The following RAF1 variants were observed in gnomAD, a reference collection of about 807,000 sequenced individuals.
RAF1 encodes Raf-1 proto-oncogene, serine/threonine kinase.
RAF1 carries 27 observed loss-of-function variants against 81.1 expected under a neutral mutation model. The ratio of observed to expected loss-of-function variants is 0.33; its 90% CI spans 0.25 to 0.46. The LOEUF (loss-of-function observed/expected upper bound fraction) is 0.46. Among genes scored for constraint, RAF1 ranks in the 20% least tolerant of loss-of-function variants. The pLI is 1.00. For missense variants in RAF1, 598 were observed against 826.0 expected, an observed-to-expected ratio of 0.72 and a Z score of 3.38; for synonymous variants, 298 against 294.0, an observed-to-expected ratio of 1.01 and a Z score of -0.14.
intron 7 of RAF1, chr3:12,603,599 C>T: frequency 3.0e-6 from 2 of 655,772 alleles, no homozygotes; most frequent in East Asian, 2.7e-5. Context: ...TAAGTGTATT[C>T]AGTTGTTATT....
At chr3:12,635,644 A>G (rs2060000734) in intron 1 of RAF1, among the ~76,000 whole-genome samples, 1 of 148,746 alleles carries the variant, frequency 6.7e-6, no homozygotes, top group African/African-American at 2.5e-5. Context: ...CTCCAAAAAA[A>G]AAAAAAAAAA....
At chr3:12,657,377 G>A (rs774224159) in intron 1 of RAF1, among the ~76,000 whole-genome samples, 4 of 152,150 alleles carry the variant, frequency 2.6e-5, no homozygotes, top group South Asian at 2.1e-4. Context: ...AAAGGAGAAC[G>A]TAGAATAACT....
At chr3:12,587,759 G>A (rs1439223766) in intron 13 of RAF1, 122 bp from the exon 13 acceptor site, 1 of 799,094 alleles carries the variant, frequency 1.3e-6, no homozygotes, top group Non-Finnish European at 2.2e-6. Flanking sequence ...TACACACAGG[G>A]ATAGACCCTG....
chr3:12,595,386 T>G (rs2058654599), intron 11 of RAF1, among the ~76,000 whole-genome samples: 1 of 152,172 alleles, frequency 6.6e-6, no homozygotes, highest in African/African-American at 2.4e-5. Flanking sequence ...TATTTTCTAC[T>G]AGTAGGAACT....
At chr3:12,633,154 CT>C (rs1397975025) in intron 1 of RAF1, among the ~76,000 whole-genome samples, 1 of 152,002 alleles carries the variant, frequency 6.6e-6, no homozygotes, top group Non-Finnish European at 1.5e-5. Context: ...GAATATCAGG[CT>C]TTTTAGGAAA....
At chr3:12,655,835 T>C (rs745578707) in intron 1 of RAF1, among the ~76,000 whole-genome samples, 4 of 151,742 alleles carry the variant, frequency 2.6e-5, no homozygotes, top group Non-Finnish European at 5.9e-5. Context: ...GGCCAGATAG[T>C]GTATGACTCC....
intron 1 of RAF1, among the ~76,000 whole-genome samples, chr3:12,631,183 G>C (rs1326470912): frequency 5.9e-5 from 9 of 152,116 alleles, no homozygotes; most frequent in Non-Finnish European, 1.3e-4. Context: ...AGGCGTGGTG[G>C]CTCACTATAT....
At chr3:12,613,246 T>G (rs1315160613) in intron 2 of RAF1, among the ~76,000 whole-genome samples, 3 of 152,208 alleles carry the variant, frequency 2.0e-5, no homozygotes, top group Non-Finnish European at 4.4e-5. Context: ...AAGCCCTCCA[T>G]GTTTAACTTC....
chr3:12,606,716 T>A (rs867967567), intron 5 of RAF1, among the ~76,000 whole-genome samples: 26 of 151,998 alleles, frequency 1.7e-4, no homozygotes, highest in Middle Eastern at 3.2e-3. Context: ...ATTTTTTTTT[T>A]AATTATACTT....
At chr3:12,661,812 C>T (rs1575696595) in intron 1 of RAF1, among the ~76,000 whole-genome samples, 1 of 152,018 alleles carries the variant, frequency 6.6e-6, no homozygotes, top group African/African-American at 2.4e-5. Context: ...GAATTTTTTG[C>T]AAGAATCCCC....
chr3:12,618,378 A>T, intron 2 of RAF1, 137 bp downstream of exon 2: 1 of 880,826 alleles, frequency 1.1e-6, no homozygotes, highest in Admixed American at 2.4e-5. Context: ...TAAAAAAATA[A>T]ATCTGCAGTT....
intron 14 of RAF1, among the ~76,000 whole-genome samples, chr3:12,586,573 A>G (rs2058340351): frequency 6.6e-6 from 1 of 152,192 alleles, no homozygotes. Context: ...CACCTCAGAC[A>G]TGTACCTAAA....
chr3:12,620,598 A>G (rs6793346), intron 1 of RAF1, among the ~76,000 whole-genome samples: 128,307 of 151,882 alleles, frequency 0.84, 54,657 homozygotes, highest in African/African-American at 0.95. Context: ...AGCTTCCCAC[A>G]TAGCTGGGAC....
chr3:12,584,474 T>C lies in RAF1; in HGVS notation c.*40A>G, dbSNP rs2058252502. The C allele has an allele frequency of 2.5e-6, 4 of 1,613,726 alleles. No individual in the cohort carries two copies. The highest frequency in any genetic ancestry group is 3.4e-6 in the Non-Finnish European group (4 of 1,179,790). On this transcript the variant is annotated 3_prime_UTR_variant, in exon 18 of 18. Transcript: ENST00000442415. ...CAGAAAAGTGGTGCCTGCTGGCTTC[T>C]CCTCCTCCCCTGGCAGCCTGAAGAC...
chr3:12,624,411 CT>C (rs1277106540), intron 1 of RAF1, among the ~76,000 whole-genome samples: 1 of 152,126 alleles, frequency 6.6e-6, no homozygotes, highest in Non-Finnish European at 1.5e-5. Flanking sequence ...CAGCAACATA[CT>C]TCAATCTTAA....
intron 13 of RAF1, 176 bp downstream of exon 12, chr3:12,590,622 A>C (rs2058483443): frequency 9.5e-6 from 7 of 734,094 alleles, no homozygotes; most frequent in Non-Finnish European, 1.6e-5. Flanking sequence ...CACCCCACCC[A>C]GCTGGAACCT....
At chr3:12,597,373 G>GA (rs2125368526) in intron 11 of RAF1, among the ~76,000 whole-genome samples, 1 of 152,300 alleles carries the variant, frequency 6.6e-6, no homozygotes, top group South Asian at 2.1e-4. Flanking sequence ...ATCCCCAAAT[G>GA]AAAGTGCGCA....
At chr3:12,611,042 C>A (rs1281548858) in intron 3 of RAF1, among the ~76,000 whole-genome samples, 2 of 152,050 alleles carry the variant, frequency 1.3e-5, no homozygotes, top group Non-Finnish European at 1.5e-5. Flanking sequence ...AAGTCAATCT[C>A]CCGAGGATAG....
At chr3:12,656,078 C>T (rs989987969) in intron 1 of RAF1, among the ~76,000 whole-genome samples, 3 of 147,036 alleles carry the variant, frequency 2.0e-5, no homozygotes, top group Admixed American at 1.4e-4. Context: ...CCCCAATCCG[C>T]CCCCTTCCAA....
Sources: allele counts gnomAD v4.1 joint callset (sites outside exome capture counted in the v4.1 genomes callset), GRCh38; gene constraint gnomAD v4.1.1; transcripts MANE v1.5; gene names NCBI Gene and HGNC (gene_info 2026-07-23, HGNC 2026-07-21).